Variants in CDH13 observed in about 807,000 individuals in gnomAD.
CDH13 encodes cadherin-13.
In CDH13, 24 loss-of-function variants were observed where a neutral mutation model predicts 63.8. That is an observed-to-expected ratio of 0.38 (90% CI 0.27 to 0.53). The LOEUF (loss-of-function observed/expected upper bound fraction) is 0.53. CDH13 is among the 20% of genes least tolerant of loss of function. The probability of loss-of-function intolerance (pLI) is 0.85; values close to 1 mark genes in which losing one functional copy is unlikely to be tolerated. For missense variants in CDH13, 1,049 were observed against 903.1 expected, an observed-to-expected ratio of 1.16 and a Z score of -2.07; for synonymous variants, 503 against 355.3, an observed-to-expected ratio of 1.42 and a Z score of -4.67.
chr16:82,994,558 A>T lies in CDH13; in HGVS notation c.158-37452A>T, dbSNP rs74726559. 8.1e-3 allele frequency among the ~76,000 whole-genome samples: 1,241 copies of T among 152,330 alleles called. 12 individuals carry two copies. The highest frequency in any genetic ancestry group is 0.028 in the African/African-American group (1,165 of 41,568). The stretch of plus-strand genomic sequence containing the variant: ...TTGGTTATTTCTCTCTCACTCTGGA[A>T]GCCATGTTTAGAAAGAGCTGATATA... On this transcript the variant is annotated intron_variant, in intron 2 of 13. Coordinates refer to ENST00000567109, the MANE Select transcript of CDH13 (RefSeq NM_001257.5).
At chr16:83,622,472 G>A (rs1909907134) in intron 8 of CDH13, among the ~76,000 whole-genome samples, 1 of 152,186 alleles carries the variant, frequency 6.6e-6, no homozygotes, top group Admixed American at 6.5e-5. Context: ...TCTTGCAGCA[G>A]TATTAACTTT....
chr16:83,250,931 T>A (rs562113504), intron 5 of CDH13, among the ~76,000 whole-genome samples: 2 of 152,308 alleles, frequency 1.3e-5, no homozygotes, highest in South Asian at 4.1e-4. Context: ...TATATGGAAG[T>A]ATTTATCTGT....
At chr16:83,033,108 A>G (rs994968339) in intron 3 of CDH13, among the ~76,000 whole-genome samples, 2 of 152,204 alleles carry the variant, frequency 1.3e-5, no homozygotes, top group Admixed American at 1.3e-4. Flanking sequence ...GTACACATAC[A>G]TATGGTATAT....
chr16:83,542,307 A>T (rs2075309162), intron 7 of CDH13, among the ~76,000 whole-genome samples: 1 of 152,182 alleles, frequency 6.6e-6, no homozygotes, highest in African/African-American at 2.4e-5. Context: ...AGATGAATGT[A>T]ATGTGCAGCC....
intron 2 of CDH13, among the ~76,000 whole-genome samples, chr16:82,870,514 A>C (rs1343863140): frequency 6.6e-6 from 1 of 152,198 alleles, no homozygotes; most frequent in Non-Finnish European, 1.5e-5. Flanking sequence ...GGGAGAATAA[A>C]GTGGGGTTGG....
intron 2 of CDH13, among the ~76,000 whole-genome samples, chr16:82,935,412 A>G (rs1272185741): frequency 6.6e-6 from 1 of 152,190 alleles, no homozygotes; most frequent in Non-Finnish European, 1.5e-5. Context: ...ATAAAGCCAG[A>G]CCGTATGACA....
chr16:83,084,445 G>A (rs2151569473), intron 3 of CDH13, among the ~76,000 whole-genome samples: 1 of 152,314 alleles, frequency 6.6e-6, no homozygotes, highest in East Asian at 1.9e-4. Flanking sequence ...GAGCATCTTT[G>A]TGGAGGAGAA....
intron 6 of CDH13, among the ~76,000 whole-genome samples, chr16:83,424,368 G>A (rs1006482208): frequency 6.6e-6 from 1 of 152,238 alleles, no homozygotes; most frequent in African/African-American, 2.4e-5. Flanking sequence ...AGCATTGGTT[G>A]CATATCTGCA....
intron 2 of CDH13, among the ~76,000 whole-genome samples, chr16:82,901,186 T>G (rs1448215378): frequency 6.6e-6 from 1 of 152,118 alleles, no homozygotes; most frequent in African/African-American, 2.4e-5. Context: ...TTTTTGACCT[T>G]CTGCTGACAC....
intron 2 of CDH13, among the ~76,000 whole-genome samples, chr16:82,971,582 G>A (rs747525661): frequency 7.9e-5 from 12 of 152,192 alleles, no homozygotes; most frequent in Non-Finnish European, 1.6e-4. Context: ...AGTTCACCAT[G>A]TTGTTTCTAT....
intron 7 of CDH13, among the ~76,000 whole-genome samples, chr16:83,515,097 G>C (rs940115300): frequency 3.3e-5 from 5 of 152,116 alleles, no homozygotes; most frequent in African/African-American, 1.2e-4. Flanking sequence ...CTTGTGCTGT[G>C]TCGTAGGTCT....
intron 5 of CDH13, among the ~76,000 whole-genome samples, chr16:83,259,800 A>G (rs1272906257): frequency 6.6e-6 from 1 of 152,166 alleles, no homozygotes; most frequent in African/African-American, 2.4e-5. Flanking sequence ...AGAGGTATCC[A>G]TGGCAGCTTA....
At chr16:82,956,267 G>T (rs1018542716) in intron 2 of CDH13, among the ~76,000 whole-genome samples, 5 of 151,984 alleles carry the variant, frequency 3.3e-5, no homozygotes, top group African/African-American at 1.2e-4. Context: ...CTCTCTGACA[G>T]ATTTGCTTCT....
intron 4 of CDH13, among the ~76,000 whole-genome samples, chr16:83,199,792 G>A (rs2038972901): frequency 1.3e-5 from 2 of 152,190 alleles, no homozygotes; most frequent in African/African-American, 4.8e-5. Flanking sequence ...CCTCAGGAAT[G>A]CAGGTCTATT....
At chr16:83,166,860 G>A (rs2037696765) in intron 4 of CDH13, among the ~76,000 whole-genome samples, 2 of 152,076 alleles carry the variant, frequency 1.3e-5, no homozygotes, top group Admixed American at 6.6e-5. Flanking sequence ...CGCCATTCAC[G>A]GAGACATTTT....
chr16:83,772,895 A>G (rs184033713), intron 11 of CDH13: 4 of 152,404 alleles, frequency 2.6e-5, no homozygotes, highest in Non-Finnish European at 5.9e-5. Context: ...ACAGAGTTTG[A>G]AAGGCAAAGC....
intron 1 of CDH13, among the ~76,000 whole-genome samples, chr16:82,783,427 C>A (rs999749854): frequency 6.6e-6 from 1 of 152,204 alleles, no homozygotes; most frequent in East Asian, 1.9e-4. Flanking sequence ...TGCAGAGCTG[C>A]GTGAGCCTGC....
At chr16:82,727,118 G>C (rs538018236) in intron 1 of CDH13, among the ~76,000 whole-genome samples, 15 of 152,238 alleles carry the variant, frequency 9.9e-5, no homozygotes, top group African/African-American at 3.6e-4. Flanking sequence ...TACAAGATGC[G>C]CAGGTGGTAT....
chr16:82,788,712 C>T (rs2151130836), intron 1 of CDH13, among the ~76,000 whole-genome samples: 1 of 152,340 alleles, frequency 6.6e-6, no homozygotes, highest in South Asian at 2.1e-4. Flanking sequence ...TTAATGTCTT[C>T]CTCTCCTGCC....
Sources: gnomAD v4.1 joint callset for allele counts (sites outside exome capture counted in the v4.1 genomes callset) on GRCh38, gnomAD v4.1.1 for gene constraint, MANE v1.5 for transcripts, NCBI Gene and HGNC (gene_info 2026-07-23, HGNC 2026-07-21) for gene names.